Variants in GTF3C1 observed in about 807,000 individuals in gnomAD.
GTF3C1 encodes general transcription factor IIIC subunit 1.
A neutral mutation model predicts 226.7 loss-of-function variants in GTF3C1; 57 were observed. That is an observed-to-expected ratio of 0.25 (90% CI 0.20 to 0.31). The LOEUF is 0.31. GTF3C1 is among the 10% of genes least tolerant of loss of function. The pLI, the probability that GTF3C1 is intolerant of heterozygous loss-of-function variation, is 1.00. For missense variants in GTF3C1, 2,217 were observed against 2,776.1 expected (o/e 0.80, Z 4.53); for synonymous variants, 1,090 against 1,084.8 (o/e 1.00, Z -0.09).
At chr16:27,537,643 A>C (rs1409383191) in intron 4 of GTF3C1, 141 bp downstream of exon 4, 1 of 623,588 alleles carries the variant, frequency 1.6e-6, no homozygotes, top group South Asian at 2.4e-5. Flanking sequence ...CTTGGCCTCA[A>C]GCAGTTCTCC....
intron 4 of GTF3C1, among the ~76,000 whole-genome samples, chr16:27,535,900 T>C (rs2088994245): frequency 6.6e-6 from 1 of 152,036 alleles, no homozygotes; most frequent in Admixed American, 6.5e-5. Flanking sequence ...TCCTCGTGTT[T>C]AGTGCAATAC....
At chr16:27,549,631 G>GCCCCCCCCCCCCCCCCCCCCGC in intron 1 of GTF3C1, 39 bp downstream of exon 1, 1 of 691,952 alleles carries the variant, frequency 1.4e-6, no homozygotes, top group South Asian at 1.7e-5. Context: ...CGGGCCCTGC[G>GCCCCCCCCCCCCCCCCCCCCGC]CCCGCCCGCC....
chr16:27,471,317 C>T lies in GTF3C1; in HGVS notation c.4526+431G>A, dbSNP rs2087865195. Among the ~76,000 whole-genome samples, 1 of 152,212 alleles carries T rather than the reference C, an allele frequency of 6.6e-6. No homozygotes were observed. Among genetic ancestry groups the T allele is most frequent in the African/African-American group, 2.4e-5 (1 of 41,440 alleles). On this transcript the variant is annotated intron_variant, in intron 30 of 36. Coordinates refer to ENST00000356183, the MANE Select transcript of GTF3C1 (RefSeq NM_001520.4). The surrounding 1 kb of genome is among the most constrained non-coding windows in gnomAD (Gnocchi z 5.0). The stretch of plus-strand genomic sequence containing the variant: ...TCAGGAGGGAGCCCCAGGAGGATGC[C>T]TGTCTGAATGCACCTCCGCACCCCA...
chr16:27,545,193 T>A (rs1394555679), intron 2 of GTF3C1, 121 bp downstream of exon 2: 1 of 746,002 alleles, frequency 1.3e-6, no homozygotes, highest in East Asian at 2.5e-5. Flanking sequence ...GCCAGGCTGG[T>A]CTTGAACTCC....
At position 27,470,569 on chromosome 16, in the gene GTF3C1, G is replaced by A. The variant is rs963917650; in HGVS notation, c.4527-174C>T. On this transcript the variant is annotated intron_variant, in intron 30 of 36. Transcript: ENST00000356183. This position sits in a 1 kb window ranked among gnomAD's most constrained non-coding sequence, Gnocchi z 4.9. Reference sequence around the variant, plus strand: ...GAAGGTGCTGCATTCCCACCTAGCGGTGTTTGTGTCTCTCTTCCCCGCTTG... The same window carrying A: ...GAAGGTGCTGCATTCCCACCTAGCGATGTTTGTGTCTCTCTTCCCCGCTTG... The A allele has an allele frequency of 3.3e-6, 2 of 609,258 alleles. No homozygotes were observed. Among genetic ancestry groups the A allele is most frequent in the Non-Finnish European group, 5.8e-6 (2 of 345,338 alleles). The allele number at this position is 609,258 out of a possible 1,614,324, so 37.7% of individuals were successfully genotyped here.
intron 27 of GTF3C1, 91 bp from the exon 28 acceptor site, chr16:27,478,622 A>C: frequency 1.1e-6 from 1 of 882,290 alleles, no homozygotes; most frequent in Non-Finnish European, 2.0e-6. Context: ...TTTATTGGCT[A>C]AAGTGTTGGG....
chr16:27,488,940 T>C (rs2141374874), intron 21 of GTF3C1, 103 bp downstream of exon 21: 2 of 1,113,650 alleles, frequency 1.8e-6, no homozygotes, highest in East Asian at 4.7e-5. Flanking sequence ...GCACCTTCAA[T>C]ACAAACGGAA....
chr16:27,499,392 G>A (rs988316055), intron 12 of GTF3C1, among the ~76,000 whole-genome samples: 5 of 152,222 alleles, frequency 3.3e-5, no homozygotes, highest in Non-Finnish European at 7.3e-5. Context: ...GGGTGTGTGT[G>A]AGCACACCAG....
chr16:27,530,624 G>A (rs796280067), intron 5 of GTF3C1, among the ~76,000 whole-genome samples: 1 of 152,220 alleles, frequency 6.6e-6, no homozygotes, highest in African/African-American at 2.4e-5. Flanking sequence ...ACATCACCAG[G>A]GGATAGTCAT....
intron 14 of GTF3C1, among the ~76,000 whole-genome samples, chr16:27,496,039 T>C (rs2088311300): frequency 1.3e-5 from 2 of 152,180 alleles, no homozygotes; most frequent in Non-Finnish European, 2.9e-5. Flanking sequence ...GGGAGGCGTC[T>C]GGGTATGGGT....
chr16:27,506,318 T>C (rs912794616), intron 9 of GTF3C1, among the ~76,000 whole-genome samples: 1 of 152,136 alleles, frequency 6.6e-6, no homozygotes, highest in African/African-American at 2.4e-5. Flanking sequence ...CCAGTGCTGA[T>C]GTCTGGGCTG....
chr16:27,461,160 G>A lies in GTF3C1; in HGVS notation c.*190C>T, dbSNP rs377414922. On this transcript the variant is annotated 3_prime_UTR_variant, in exon 37 of 37. Transcript: ENST00000356183. This position sits in a 1 kb window ranked among gnomAD's most constrained non-coding sequence, Gnocchi z 5.3. ...GAAGAGCCTGGGGGATGGGCAGGTC[G>A]GGGAGCCCCTCTTTCCAGAGTTCCA... 9.3e-5 allele frequency: 51 copies of A among 546,128 alleles called. No homozygotes were observed. Among genetic ancestry groups the A allele is most frequent in the African/African-American group, 2.8e-4 (15 of 53,290 alleles). 33.8% of individuals were successfully genotyped at this position (546,128 alleles called of 1,614,324 possible). A position where few individuals can be genotyped will look rare whatever the true frequency, so the allele number is the denominator to read the frequency against.
At chr16:27,539,004 C>CT (rs899984965) in intron 2 of GTF3C1, among the ~76,000 whole-genome samples, 2,751 of 103,826 alleles carry the variant, frequency 0.026, 167 homozygotes, top group East Asian at 0.07. Context: ...ACACACTCAT[C>CT]TTTTTTTTTT....
chr16:27,510,863 T>C (rs1294319355), intron 7 of GTF3C1, among the ~76,000 whole-genome samples: 1 of 152,240 alleles, frequency 6.6e-6, no homozygotes, highest in Non-Finnish European at 1.5e-5. Flanking sequence ...GGGCCTGTGG[T>C]AACTCCAGAC....
chr16:27,491,115 G>A lies in GTF3C1; in HGVS notation c.3151+1223C>T, dbSNP rs180678304. Reference sequence around the variant, plus strand: ...TATGAAACACACTGTTCTAAAATACGTCTGGACCCATGAAAGTTTCTAAAT... The same window carrying A: ...TATGAAACACACTGTTCTAAAATACATCTGGACCCATGAAAGTTTCTAAAT... On this transcript the variant is annotated intron_variant, in intron 19 of 36. Coordinates refer to ENST00000356183, the MANE Select transcript of GTF3C1 (RefSeq NM_001520.4). Among the ~76,000 whole-genome samples the A allele has an allele frequency of 3.2e-4, 48 of 152,312 alleles. 1 individual carries two copies. The highest frequency in any genetic ancestry group is 1.0e-3 in the African/African-American group (43 of 41,576).
At chr16:27,508,488 C>A in intron 8 of GTF3C1, 52 bp downstream of exon 8, 2 of 1,352,438 alleles carry the variant, frequency 1.5e-6, no homozygotes, top group East Asian at 2.3e-5. Context: ...CTCAAATACA[C>A]TGCAAGCACC....
chr16:27,495,054 G>C, intron 15 of GTF3C1, 146 bp from the exon 16 acceptor site: 1 of 886,900 alleles, frequency 1.1e-6, no homozygotes, highest in South Asian at 1.6e-5. Flanking sequence ...GGAAGATGAG[G>C]AAGAAAGCCT....
chr16:27,461,674 G>A lies in GTF3C1; in HGVS notation c.6118-112C>T. The A allele has an allele frequency of 1.3e-6, 1 of 781,012 alleles. No homozygotes were observed. Among genetic ancestry groups the A allele is most frequent in the Non-Finnish European group, 2.1e-6 (1 of 473,796 alleles). 48.4% of individuals were successfully genotyped at this position (781,012 alleles called of 1,614,324 possible). A position where few individuals can be genotyped will look rare whatever the true frequency, so the allele number is the denominator to read the frequency against. Reference sequence around the variant, plus strand: ...CTGTACCAGGGAGCCACTTCCCAGAGCAGGGGGCACCTGAACTGGGCATGA... The same window carrying A: ...CTGTACCAGGGAGCCACTTCCCAGAACAGGGGGCACCTGAACTGGGCATGA... On this transcript the variant is annotated intron_variant, in intron 36 of 36. Transcript: ENST00000356183. This position sits in a 1 kb window ranked among gnomAD's most constrained non-coding sequence, Gnocchi z 5.3.
Position 27,495,507 on chromosome 16 carries a change from G to A in GTF3C1, c.2351-15C>T. 5 of 1,607,582 alleles carry A rather than the reference G, an allele frequency of 3.1e-6. No individual in the cohort carries two copies. The highest frequency in any genetic ancestry group is 4.3e-6 in the Non-Finnish European group (5 of 1,176,236). ...CAGTCCGGGAACTAAAGCAAGAGAG[G>A]GAGAGGGCGGTGCTTGAAAAATCCC... is the stretch of plus-strand genomic sequence containing the variant. On this transcript the variant is annotated splice_polypyrimidine_tract_variant and intron_variant, in intron 14 of 36. Transcript: ENST00000356183.
Sources: allele counts gnomAD v4.1 joint callset (sites outside exome capture counted in the v4.1 genomes callset), GRCh38; gene constraint gnomAD v4.1.1; non-coding constraint Gnocchi (gnomAD v3.1); transcripts MANE v1.5; gene names NCBI Gene and HGNC (gene_info 2026-07-23, HGNC 2026-07-21).